Variants in DCLK1 observed in about 807,000 individuals in gnomAD.
The protein encoded by DCLK1 is doublecortin like kinase 1.
DCLK1 carries 16 observed loss-of-function variants against 86.2 expected under a neutral mutation model. The observed-to-expected ratio is 0.19, with a 90% CI of 0.13 to 0.28. DCLK1 has a LOEUF of 0.28. Ranked by LOEUF, DCLK1 falls within the 10% of genes least tolerant of loss-of-function variation. The pLI, the probability that DCLK1 is intolerant of heterozygous loss-of-function variation, is 1.00. For missense variants in DCLK1, 590 were observed against 940.2 expected, an observed-to-expected ratio of 0.63 and a Z score of 4.87; for synonymous variants, 369 against 370.5, an observed-to-expected ratio of 1.00 and a Z score of 0.05.
chr13:36,078,903 T>C (rs1884314881), intron 3 of DCLK1, among the ~76,000 whole-genome samples: 1 of 152,134 alleles, frequency 6.6e-6, no homozygotes, highest in Non-Finnish European at 1.5e-5. Context: ...CCCTCTAAAA[T>C]GTGACTCGCT....
chr13:35,854,415 G>A (rs752391545), intron 6 of DCLK1, 84 bp downstream of exon 6: 9 of 1,105,746 alleles, frequency 8.1e-6, no homozygotes, highest in Non-Finnish European at 1.1e-5. Context: ...GCCTAGAGAC[G>A]AGCAGCACGA....
intron 3 of DCLK1, among the ~76,000 whole-genome samples, chr13:36,105,359 C>A (rs1885354570): frequency 6.6e-6 from 1 of 152,142 alleles, no homozygotes; most frequent in Non-Finnish European, 1.5e-5. Context: ...TCCATTATAA[C>A]AACTACCAAC....
At chr13:35,925,242 CA>C (rs1390245348) in intron 4 of DCLK1, among the ~76,000 whole-genome samples, 1 of 152,184 alleles carries the variant, frequency 6.6e-6, no homozygotes, top group African/African-American at 2.4e-5. Context: ...AGAATTCTTC[CA>C]AGTCTACCTG....
intron 5 of DCLK1, among the ~76,000 whole-genome samples, chr13:35,862,609 C>A (rs569066954): frequency 6.6e-6 from 1 of 152,318 alleles, no homozygotes; most frequent in East Asian, 1.9e-4. Context: ...AAACATACTT[C>A]CACGACCCTG....
intron 4 of DCLK1, among the ~76,000 whole-genome samples, chr13:35,903,802 A>G (rs1193385818): frequency 6.6e-6 from 1 of 152,246 alleles, no homozygotes; most frequent in East Asian, 1.9e-4. Flanking sequence ...TAATTTCTTT[A>G]GAAGCATAAA....
chr13:35,908,116 G>A (rs1874788220), intron 4 of DCLK1, among the ~76,000 whole-genome samples: 1 of 151,706 alleles, frequency 6.6e-6, no homozygotes, highest in Non-Finnish European at 1.5e-5. Context: ...ACAATGGTTG[G>A]GGTACAATTT....
At chr13:36,109,361 C>T (rs1166771238) in intron 3 of DCLK1, among the ~76,000 whole-genome samples, 1 of 152,228 alleles carries the variant, frequency 6.6e-6, no homozygotes, top group African/African-American at 2.4e-5. Context: ...TTTCTCAATA[C>T]ATTTACATCA....
chr13:36,053,206 T>C (rs928639384), intron 3 of DCLK1, among the ~76,000 whole-genome samples: 3 of 152,146 alleles, frequency 2.0e-5, no homozygotes, highest in Non-Finnish European at 4.4e-5. Context: ...ATTGAGTGCC[T>C]ACTAAATGAA....
chr13:35,884,072 C>A (rs1873081618), intron 4 of DCLK1, among the ~76,000 whole-genome samples: 1 of 152,154 alleles, frequency 6.6e-6, no homozygotes. Context: ...AAATTAAAAA[C>A]CCATGTGATC....
chr13:36,005,519 C>A (rs760505157), intron 3 of DCLK1, among the ~76,000 whole-genome samples: 14 of 152,224 alleles, frequency 9.2e-5, no homozygotes, highest in Admixed American at 5.2e-4. Context: ...ATAATAAAAT[C>A]TAAAAAGATG....
chr13:36,074,945 C>T (rs1428877003), intron 3 of DCLK1, among the ~76,000 whole-genome samples: 3 of 152,226 alleles, frequency 2.0e-5, no homozygotes, highest in Admixed American at 6.5e-5. Context: ...GTAAAGGCAA[C>T]ACTAGACACA....
chr13:36,103,728 C>T (rs183872271), intron 3 of DCLK1, among the ~76,000 whole-genome samples: 1 of 152,128 alleles, frequency 6.6e-6, no homozygotes, highest in South Asian at 2.1e-4. Flanking sequence ...TCAGGAAAAT[C>T]TGGTGCAACA....
At chr13:35,982,433 G>GAGAGGGAGGGA (rs1566631727) in intron 3 of DCLK1, among the ~76,000 whole-genome samples, 13 of 21,708 alleles carry the variant, frequency 6.0e-4, no homozygotes, top group African/African-American at 1.9e-3. Flanking sequence ...AGAGAGAGAG[G>GAGAGGGAGGGA]GGGAGGGAGG....
At chr13:35,885,154 G>GT (rs956357605) in intron 4 of DCLK1, among the ~76,000 whole-genome samples, 2 of 152,102 alleles carry the variant, frequency 1.3e-5, no homozygotes, top group African/African-American at 4.8e-5. Context: ...CAGGAATGAG[G>GT]TATCTGTGTT....
At chr13:35,786,756 C>T (rs2086630156) in intron 16 of DCLK1, among the ~76,000 whole-genome samples, 1 of 152,152 alleles carries the variant, frequency 6.6e-6, no homozygotes, top group Non-Finnish European at 1.5e-5. Context: ...CACCCTTCTC[C>T]CTCCAAAATA....
intron 4 of DCLK1, among the ~76,000 whole-genome samples, chr13:35,900,220 G>A (rs975011234): frequency 6.0e-5 from 9 of 150,276 alleles, no homozygotes; most frequent in Non-Finnish European, 1.0e-4. Context: ...AGCTTTAAGA[G>A]GTTTAGGTTC....
At chr13:36,078,686 C>T (rs1884304134) in intron 3 of DCLK1, among the ~76,000 whole-genome samples, 1 of 152,184 alleles carries the variant, frequency 6.6e-6, no homozygotes, top group African/African-American at 2.4e-5. Context: ...AGTCTAAGTG[C>T]AGATGAAAAG....
intron 3 of DCLK1, among the ~76,000 whole-genome samples, chr13:36,054,613 G>C (rs1883236070): frequency 6.6e-6 from 1 of 152,126 alleles, no homozygotes; most frequent in African/African-American, 2.4e-5. Flanking sequence ...AATAAAGTAA[G>C]ATAAAAGGAC....
At chr13:35,966,868 C>T (rs1278868120) in intron 3 of DCLK1, among the ~76,000 whole-genome samples, 1 of 152,018 alleles carries the variant, frequency 6.6e-6, no homozygotes, top group African/African-American at 2.4e-5. Flanking sequence ...CTCCACCTCC[C>T]AGCCGCCTGC....
Sources: gnomAD v4.1 joint callset for allele counts (sites outside exome capture counted in the v4.1 genomes callset) on GRCh38, gnomAD v4.1.1 for gene constraint, MANE v1.5 for transcripts, NCBI Gene and HGNC (gene_info 2026-07-23, HGNC 2026-07-21) for gene names.